The following ACCSL variants were observed in gnomAD, a reference collection of about 807,000 sequenced individuals.
ACCSL encodes the protein 1-aminocyclopropane-1-carboxylate synthase homolog (inactive) like.
ACCSL carries 55 observed loss-of-function variants against 61.7 expected under a neutral mutation model. That is an observed-to-expected ratio of 0.89 (90% CI 0.72 to 1.12). The LOEUF is 1.12. Among genes scored for constraint, ACCSL ranks in the 50% most tolerant of loss-of-function variants. The pLI is 0.00. For missense variants in ACCSL, 632 were observed against 698.0 expected (o/e 0.91, Z 1.07); for synonymous variants, 258 against 264.3 (o/e 0.98, Z 0.23).
At chr11:44,042,742 GCCCAAC>G in the ACCSL span, among the ~76,000 whole-genome samples, 1 of 151,896 alleles carries the variant, frequency 6.6e-6, no homozygotes, top group African/African-American at 2.4e-5. Context: ...TAAGTATGAG[GCCCAAC>G]CCCATCCTGG....
the ACCSL span, among the ~76,000 whole-genome samples, chr11:43,927,718 G>C: frequency 2.6e-5 from 4 of 152,238 alleles, no homozygotes; most frequent in Non-Finnish European, 5.9e-5. Flanking sequence ...TGGCTTTCCA[G>C]AAAGAGTACA....
At chr11:44,007,678 G>A in the ACCSL span, among the ~76,000 whole-genome samples, 1 of 152,152 alleles carries the variant, frequency 6.6e-6, no homozygotes, top group Non-Finnish European at 1.5e-5. Context: ...CTTGGGCTGG[G>A]CACTCAACTT....
chr11:43,947,764 A>G, the ACCSL span, among the ~76,000 whole-genome samples: 1 of 26,680 alleles, frequency 3.7e-5, no homozygotes, highest in African/African-American at 1.1e-4. Context: ...AGAGAGAGAG[A>G]GGGAGAGAGA....
At chr11:43,990,534 C>T in the ACCSL span, among the ~76,000 whole-genome samples, 1 of 152,188 alleles carries the variant, frequency 6.6e-6, no homozygotes, top group Non-Finnish European at 1.5e-5. Context: ...AGCCCCTCCT[C>T]TTAATACTAT....
At chr11:43,986,095 C>T in the ACCSL span, among the ~76,000 whole-genome samples, 1 of 152,048 alleles carries the variant, frequency 6.6e-6, no homozygotes, top group African/African-American at 2.4e-5. Context: ...TATCGGAGAG[C>T]CAGAGACGTG....
chr11:43,969,113 C>T, the ACCSL span, among the ~76,000 whole-genome samples: 1 of 152,110 alleles, frequency 6.6e-6, no homozygotes, highest in Admixed American at 6.6e-5. Flanking sequence ...CTTTGGGATG[C>T]CAAGGAGGGC....
At chr11:43,944,453 G>A in the ACCSL span, 2 of 153,830 alleles carry the variant, frequency 1.3e-5, no homozygotes, top group Admixed American at 6.4e-5. Context: ...CCTGCGCTGC[G>A]GGGAAAACCG....
At chr11:44,009,887 T>G in the ACCSL span, among the ~76,000 whole-genome samples, 1 of 152,196 alleles carries the variant, frequency 6.6e-6, no homozygotes, top group Admixed American at 6.5e-5. Context: ...CAAGTTGCCA[T>G]CCCAAGCCCC....
At chr11:44,026,571 G>A in the ACCSL span, among the ~76,000 whole-genome samples, 3 of 152,072 alleles carry the variant, frequency 2.0e-5, no homozygotes, top group Non-Finnish European at 4.4e-5. Context: ...TTGTTCTTAT[G>A]TATAGGCCAT....
chr11:44,027,180 T>C, the ACCSL span, among the ~76,000 whole-genome samples: 7 of 152,212 alleles, frequency 4.6e-5, no homozygotes, highest in East Asian at 1.9e-4. Flanking sequence ...TTTGTGTTCA[T>C]TGGGGCATGT....
At chr11:43,951,466 C>T in the ACCSL span, among the ~76,000 whole-genome samples, 2 of 152,154 alleles carry the variant, frequency 1.3e-5, no homozygotes, top group East Asian at 1.9e-4. Flanking sequence ...AAAGCAGGCT[C>T]CAGACCTCTG....
chr11:44,015,754 G>A, the ACCSL span, among the ~76,000 whole-genome samples: 6 of 152,158 alleles, frequency 3.9e-5, no homozygotes, highest in Non-Finnish European at 7.4e-5. Flanking sequence ...CCTGGGCTGC[G>A]TCATCAGATA....
At chr11:43,937,076 C>T in the ACCSL span, among the ~76,000 whole-genome samples, 1 of 152,128 alleles carries the variant, frequency 6.6e-6, no homozygotes, top group African/African-American at 2.4e-5. Flanking sequence ...CCCTAGTCCC[C>T]AGCCTCAGAA....
At chr11:43,981,596 G>T in the ACCSL span, among the ~76,000 whole-genome samples, 1 of 152,172 alleles carries the variant, frequency 6.6e-6, no homozygotes, top group Non-Finnish European at 1.5e-5. Flanking sequence ...CTCCTTCCTC[G>T]CAGCTGGCAG....
the ACCSL span, among the ~76,000 whole-genome samples, chr11:44,002,508 T>C: frequency 1.3e-5 from 2 of 152,192 alleles, no homozygotes; most frequent in African/African-American, 4.8e-5. Context: ...TGACACAGGA[T>C]GGCCAAAGTC....
chr11:44,015,369 G>T, the ACCSL span, among the ~76,000 whole-genome samples: 117,234 of 152,154 alleles, frequency 0.77, 45,235 homozygotes, highest in Admixed American at 0.79. Flanking sequence ...TGGCCTGGCT[G>T]CAAAGCCTCT....
the ACCSL span, among the ~76,000 whole-genome samples, chr11:43,954,633 G>A: frequency 4.0e-5 from 6 of 151,444 alleles, no homozygotes; most frequent in South Asian, 1.3e-3. Context: ...TGCCCAGGCT[G>A]GAGTGCAATG....
At chr11:44,017,719 G>C in the ACCSL span, among the ~76,000 whole-genome samples, 1 of 152,194 alleles carries the variant, frequency 6.6e-6, no homozygotes, top group Non-Finnish European at 1.5e-5. Context: ...CATCATAAGA[G>C]CTCCTGCTGT....
At chr11:43,962,163 A>AG in the ACCSL span, among the ~76,000 whole-genome samples, 1 of 152,196 alleles carries the variant, frequency 6.6e-6, no homozygotes, top group Non-Finnish European at 1.5e-5. Context: ...AAATATAAAA[A>AG]TTGGTACTAA....
Sources: allele counts gnomAD v4.1 joint callset (sites outside exome capture counted in the v4.1 genomes callset), GRCh38; gene constraint gnomAD v4.1.1; transcripts MANE v1.5; gene names NCBI Gene and HGNC (gene_info 2026-07-23, HGNC 2026-07-21).